The following KCNIP4 variants were observed in gnomAD, a reference collection of about 807,000 sequenced individuals.
The protein encoded by KCNIP4 is Kv channel-interacting protein 4.
KCNIP4 carries 12 observed loss-of-function variants against 34.0 expected under a neutral mutation model. The ratio of observed to expected loss-of-function variants is 0.35; its 90% CI spans 0.23 to 0.57. The LOEUF is 0.57. Among genes scored for constraint, KCNIP4 ranks in the 20% least tolerant of loss-of-function variants. The pLI, the probability that KCNIP4 is intolerant of heterozygous loss-of-function variation, is 0.83. For missense variants in KCNIP4, 238 were observed against 311.7 expected, an observed-to-expected ratio of 0.76 and a Z score of 1.78; for synonymous variants, 124 against 102.2, an observed-to-expected ratio of 1.21 and a Z score of -1.29.
chr4:21,022,811 T>A (rs546515559), intron 1 of KCNIP4, among the ~76,000 whole-genome samples: 2 of 152,234 alleles, frequency 1.3e-5, no homozygotes, highest in African/African-American at 4.8e-5. Flanking sequence ...ATCCTATAAG[T>A]TTTTTTGTTT....
intron 1 of KCNIP4, among the ~76,000 whole-genome samples, chr4:21,235,090 CTATT>C (rs1759257049): frequency 6.6e-6 from 1 of 152,064 alleles, no homozygotes; most frequent in South Asian, 2.1e-4. Context: ...AATATAATGA[CTATT>C]TGAGAAATCC....
intron 2 of KCNIP4, among the ~76,000 whole-genome samples, chr4:20,866,326 G>A (rs1159921275): frequency 2.0e-5 from 3 of 151,970 alleles, no homozygotes; most frequent in Non-Finnish European, 2.9e-5. Flanking sequence ...AGTAGGCTTC[G>A]TTCCTGGGAT....
At chr4:21,197,809 C>A (rs1014776214) in intron 1 of KCNIP4, among the ~76,000 whole-genome samples, 1 of 152,218 alleles carries the variant, frequency 6.6e-6, no homozygotes, top group African/African-American at 2.4e-5. Flanking sequence ...TTTTTCTGAG[C>A]ATTTTAAGTT....
intron 1 of KCNIP4, among the ~76,000 whole-genome samples, chr4:20,901,035 T>C (rs538316786): frequency 5.8e-4 from 88 of 152,296 alleles, no homozygotes; most frequent in African/African-American, 1.9e-3. Flanking sequence ...ATAAATGCGT[T>C]TATAGCAACA....
chr4:21,352,710 CA>C (rs1192551224), intron 1 of KCNIP4, among the ~76,000 whole-genome samples: 1 of 152,228 alleles, frequency 6.6e-6, no homozygotes, highest in Non-Finnish European at 1.5e-5. Flanking sequence ...CATAGCTGAA[CA>C]AAAGGCAGCA....
chr4:20,793,603 C>CT (rs1185993596), intron 3 of KCNIP4, among the ~76,000 whole-genome samples: 1 of 152,074 alleles, frequency 6.6e-6, no homozygotes, highest in South Asian at 2.1e-4. Context: ...GTGGAAGACA[C>CT]TTTTTCCACG....
chr4:21,364,324 G>A (rs1167433648), intron 1 of KCNIP4, among the ~76,000 whole-genome samples: 3 of 152,106 alleles, frequency 2.0e-5, no homozygotes, highest in African/African-American at 7.2e-5. Context: ...TAGGTACAGG[G>A]AGTTTAAAAC....
chr4:20,890,087 T>C (rs1288161515), intron 1 of KCNIP4, among the ~76,000 whole-genome samples: 1 of 152,124 alleles, frequency 6.6e-6, no homozygotes, highest in Non-Finnish European at 1.5e-5. Flanking sequence ...CCGAATTCCC[T>C]GAGGGGAGGA....
At chr4:20,929,758 C>T (rs149425188) in intron 1 of KCNIP4, among the ~76,000 whole-genome samples, 39 of 151,824 alleles carry the variant, frequency 2.6e-4, no homozygotes, top group Admixed American at 1.6e-3. Context: ...CTGAAAAAGA[C>T]GCTTTAAAAT....
chr4:20,751,337 TG>T (rs544546146), intron 4 of KCNIP4, among the ~76,000 whole-genome samples: 165 of 152,324 alleles, frequency 1.1e-3, no homozygotes, highest in Non-Finnish European at 2.2e-3. Context: ...CTTTTGCATA[TG>T]GAGCCAGGAG....
intron 1 of KCNIP4, among the ~76,000 whole-genome samples, chr4:21,857,444 G>A (rs1456341383): frequency 6.6e-6 from 1 of 152,068 alleles, no homozygotes; most frequent in African/African-American, 2.4e-5. Flanking sequence ...TCTCCTCTCT[G>A]CTGAGAGCTG....
At chr4:21,028,379 TCAGA>T (rs1740729473) in intron 1 of KCNIP4, among the ~76,000 whole-genome samples, 1 of 152,218 alleles carries the variant, frequency 6.6e-6, no homozygotes, top group Non-Finnish European at 1.5e-5. Flanking sequence ...TTTTACTTGC[TCAGA>T]CAAAGTACTT....
chr4:20,812,031 G>T (rs1715834891), intron 3 of KCNIP4, among the ~76,000 whole-genome samples: 1 of 152,202 alleles, frequency 6.6e-6, no homozygotes, highest in South Asian at 2.1e-4. Flanking sequence ...CCCCACTGGG[G>T]TGTCTGGACT....
intron 1 of KCNIP4, among the ~76,000 whole-genome samples, chr4:21,355,661 T>C (rs1718506852): frequency 6.6e-6 from 1 of 152,196 alleles, no homozygotes; most frequent in Non-Finnish European, 1.5e-5. Context: ...CAACAATTAA[T>C]AGCCTACCAA....
intron 1 of KCNIP4, among the ~76,000 whole-genome samples, chr4:21,120,452 A>T (rs1334546220): frequency 6.6e-6 from 1 of 152,034 alleles, no homozygotes; most frequent in African/African-American, 2.4e-5. Context: ...ATAAAGAAAT[A>T]CTCCAGACTG....
At chr4:21,158,988 C>T (rs1396265847) in intron 1 of KCNIP4, among the ~76,000 whole-genome samples, 1 of 151,968 alleles carries the variant, frequency 6.6e-6, no homozygotes, top group Non-Finnish European at 1.5e-5. Context: ...TTTATAATAG[C>T]TTCATAAATT....
intron 1 of KCNIP4, among the ~76,000 whole-genome samples, chr4:20,963,258 C>G (rs933275446): frequency 1.3e-5 from 2 of 151,614 alleles, no homozygotes; most frequent in African/African-American, 4.8e-5. Flanking sequence ...ACCCGGGAAT[C>G]AGAGGTTGCA....
At chr4:21,932,831 A>G (rs551600751) in intron 1 of KCNIP4, among the ~76,000 whole-genome samples, 18 of 152,198 alleles carry the variant, frequency 1.2e-4, no homozygotes, top group Admixed American at 1.0e-3. Context: ...GACAAGCTCT[A>G]TTAATAATTA....
chr4:21,582,920 CCATCCTAGAT>C (rs1741342883), intron 1 of KCNIP4, among the ~76,000 whole-genome samples: 1 of 151,626 alleles, frequency 6.6e-6, no homozygotes, highest in Non-Finnish European at 1.5e-5. Context: ...GTGTGTGCAC[CCATCCTAGAT>C]CATAGCATTT....
Sources: gnomAD v4.1 joint callset for allele counts (sites outside exome capture counted in the v4.1 genomes callset) on GRCh38, gnomAD v4.1.1 for gene constraint, MANE v1.5 for transcripts, NCBI Gene and HGNC (gene_info 2026-07-23, HGNC 2026-07-21) for gene names.